Variants in CACNA1C observed in about 807,000 individuals in gnomAD.
CACNA1C encodes voltage-dependent L-type calcium channel subunit alpha-1C.
Under a neutral mutation model 229.0 loss-of-function variants are expected in CACNA1C, and 30 were observed. The observed-to-expected ratio is 0.13, with a 90% CI of 0.10 to 0.18. The LOEUF (loss-of-function observed/expected upper bound fraction) is 0.18. Among genes scored for constraint, CACNA1C ranks in the 10% least tolerant of loss-of-function variants. The pLI is 1.00. For synonymous variants in CACNA1C, 1,114 were observed against 1,132.5 expected, an observed-to-expected ratio of 0.98 and a Z score of 0.33; for missense variants, 1,658 against 2,845.0, an observed-to-expected ratio of 0.58 and a Z score of 9.49.
chr12:2,628,414 G>A (rs899786560), intron 29 of CACNA1C, among the ~76,000 whole-genome samples: 9 of 152,220 alleles, frequency 5.9e-5, no homozygotes, highest in Non-Finnish European at 1.3e-4. Context: ...TCATTCAGGA[G>A]AGTTTGAATA....
chr12:2,161,423 G>A (rs546781083), intron 3 of CACNA1C, among the ~76,000 whole-genome samples: 13 of 152,270 alleles, frequency 8.5e-5, no homozygotes, highest in East Asian at 1.9e-4. Flanking sequence ...CAGCTTGGTC[G>A]GCCCACTTTG....
rs957711858 is a variant in CACNA1C at position 2,354,145 on chromosome 12, A to G, written c.478-94831A>G. On this transcript the variant is annotated intron_variant, in intron 3 of 46. Coordinates refer to ENST00000399655, the MANE Select transcript of CACNA1C (RefSeq NM_000719.7). The surrounding 1 kb of genome is among the most constrained non-coding windows in gnomAD (Gnocchi z 4.6). ...AGTGGGGGCTGTCGGGAAGGACTGG[A>G]TGGAGTCTGTTTTTCCAGAACCCCT... 2.6e-5 allele frequency among the ~76,000 whole-genome samples: 4 copies of G among 152,090 alleles called. No individual in the cohort carries two copies. Among genetic ancestry groups the G allele is most frequent in the African/African-American group, 9.7e-5 (4 of 41,418 alleles).
intron 3 of CACNA1C, among the ~76,000 whole-genome samples, chr12:2,330,222 A>G (rs548850742): frequency 5.9e-5 from 9 of 152,260 alleles, no homozygotes; most frequent in Non-Finnish European, 1.2e-4. Flanking sequence ...GGTCAATGCC[A>G]TGGGGCTTGA....
chr12:2,197,672 C>T (rs1043913752), intron 3 of CACNA1C, among the ~76,000 whole-genome samples: 5 of 152,208 alleles, frequency 3.3e-5, no homozygotes, highest in South Asian at 2.1e-4. Context: ...CCTTTCCCCT[C>T]CTCCAAAAAC....
Position 2,067,902 on chromosome 12 carries a change from A to G in CACNA1C, c.49+14291A>G, listed in dbSNP as rs1251950348. On this transcript the variant is annotated intron_variant, in intron 1 of 46. Transcript: ENST00000399655. This position sits in a 1 kb window ranked among gnomAD's most constrained non-coding sequence, Gnocchi z 5.3. ...CAAGCCCAGCTTCACAGCCTATGAT[A>G]TTGGCTCTCTGGAGAACCGGTTAGC... is the stretch of plus-strand genomic sequence containing the variant. 2.0e-5 allele frequency among the ~76,000 whole-genome samples: 3 copies of G among 152,118 alleles called. No individual in the cohort carries two copies. The highest frequency in any genetic ancestry group is 6.5e-5 in the Admixed American group (1 of 15,280).
chr12:2,057,107 G>T (rs1352875686), intron 1 of CACNA1C, among the ~76,000 whole-genome samples: 1 of 152,198 alleles, frequency 6.6e-6, no homozygotes, highest in South Asian at 2.1e-4. Context: ...CGTTAGCCCC[G>T]TGGGACCATC....
intron 1 of CACNA1C, among the ~76,000 whole-genome samples, chr12:2,010,162 A>G (rs2044154153): frequency 6.6e-6 from 1 of 152,246 alleles, no homozygotes; most frequent in Non-Finnish European, 1.5e-5. Context: ...GACAAAGAAT[A>G]TGTTAATTCC....
chr12:2,137,215 C>A (rs867861490), intron 3 of CACNA1C, among the ~76,000 whole-genome samples: 2 of 151,370 alleles, frequency 1.3e-5, no homozygotes, highest in Non-Finnish European at 3.0e-5. Context: ...GAGTGCTGAG[C>A]TGCATGTCCT....
At chr12:2,550,122 A>G in intron 10 of CACNA1C, 89 bp downstream of exon 10, 2 of 928,504 alleles carry the variant, frequency 2.2e-6, no homozygotes, top group South Asian at 1.4e-5. Context: ...GGGCTGGCTC[A>G]TCACTAGGAA....
intron 3 of CACNA1C, among the ~76,000 whole-genome samples, chr12:2,283,861 C>T (rs1399842615): frequency 1.3e-5 from 2 of 152,186 alleles, no homozygotes; most frequent in South Asian, 2.1e-4. Flanking sequence ...TTCATTCATG[C>T]AGGCATGAAG....
At chr12:2,357,991 A>T (rs1417798250) in intron 3 of CACNA1C, among the ~76,000 whole-genome samples, 1 of 143,604 alleles carries the variant, frequency 7.0e-6, no homozygotes, top group Non-Finnish European at 1.5e-5. Flanking sequence ...AAAAAAAAAA[A>T]TCGCAACAAA....
chr12:2,223,929 A>G (rs2154353479), intron 3 of CACNA1C, among the ~76,000 whole-genome samples: 1 of 152,314 alleles, frequency 6.6e-6, no homozygotes, highest in Non-Finnish European at 1.5e-5. Context: ...GATATCCATA[A>G]CCCCAATCAG....
chr12:2,290,259 G>A (rs2093335896), intron 3 of CACNA1C, among the ~76,000 whole-genome samples: 2 of 152,180 alleles, frequency 1.3e-5, no homozygotes, highest in Non-Finnish European at 2.9e-5. Flanking sequence ...AGATGTCAAG[G>A]CAATTGGGGA....
chr12:2,574,746 C>T (rs2057763957), intron 13 of CACNA1C, among the ~76,000 whole-genome samples: 2 of 152,232 alleles, frequency 1.3e-5, no homozygotes, highest in Non-Finnish European at 2.9e-5. Flanking sequence ...CCACTCTTCT[C>T]AGGCCCCCTG....
chr12:2,610,303 G>A (rs569743236), intron 27 of CACNA1C, among the ~76,000 whole-genome samples: 16 of 152,152 alleles, frequency 1.1e-4, no homozygotes, highest in African/African-American at 1.9e-4. Flanking sequence ...ACCTTGTTAC[G>A]GGGATTTGAC....
At position 2,432,037 on chromosome 12, in the gene CACNA1C, T is replaced by C. The variant is rs576473087; in HGVS notation, c.478-16939T>C. On this transcript the variant is annotated intron_variant, in intron 3 of 46. Coordinates refer to ENST00000399655, the MANE Select transcript of CACNA1C (RefSeq NM_000719.7). ...TTTAAGGGCAGGTCCCCAGCTTTTA[T>C]TGTACTCTGTTTTATATCATTATAA... Among the ~76,000 whole-genome samples the C allele has an allele frequency of 2.6e-5, 4 of 152,336 alleles. No homozygotes were observed. The South Asian group carries it at 6.2e-4, about 24-fold the overall frequency.
Position 2,519,912 on chromosome 12 carries a change from T to C in CACNA1C, c.1390+6928T>C, listed in dbSNP as rs1009526937. 5.3e-5 allele frequency among the ~76,000 whole-genome samples: 8 copies of C among 152,356 alleles called. No individual in the cohort carries two copies. The South Asian group carries it at 1.7e-3, about 32-fold the overall frequency. On this transcript the variant is annotated intron_variant, in intron 9 of 46. Transcript: ENST00000399655. The stretch of plus-strand genomic sequence containing the variant: ...CTATCTGGCCCCGTAAGTGTACAAA[T>C]GCCATTTTCCCAGCCAGGGGAGCAG...
In CACNA1C at chr12:2,566,227, A is replaced by T. The variant is rs1452922179; in HGVS notation, c.1509-195A>T. Among the ~76,000 whole-genome samples the T allele has an allele frequency of 6.6e-6, 1 of 152,132 alleles. No homozygotes were observed. The highest frequency in any genetic ancestry group is 1.5e-5 in the Non-Finnish European group (1 of 68,020). On this transcript the variant is annotated intron_variant, in intron 11 of 46. Coordinates refer to ENST00000399655, the MANE Select transcript of CACNA1C (RefSeq NM_000719.7). This position sits in a 1 kb window ranked among gnomAD's most constrained non-coding sequence, Gnocchi z 4.0. ...TCTTCCCGGGAGAACTGAAGCTTGG[A>T]GGAGTTCAGGGGCATCCCCAAGGCG...
At position 2,493,584 on chromosome 12, in the gene CACNA1C, C is replaced by T. The variant is rs946108844; in HGVS notation, c.1113+198C>T. On this transcript the variant is annotated intron_variant, in intron 7 of 46. Coordinates refer to ENST00000399655, the MANE Select transcript of CACNA1C (RefSeq NM_000719.7). The surrounding 1 kb of genome is among the most constrained non-coding windows in gnomAD (Gnocchi z 4.6). ...ATGAGCTTTTCACCCTAACGAGTCC[C>T]CTCCCCCACCCGCCAGCCTTAGGGG... Among the ~76,000 whole-genome samples, 3 of 152,106 alleles carry T rather than the reference C, an allele frequency of 2.0e-5. No homozygotes were observed. The highest frequency in any genetic ancestry group is 2.9e-5 in the Non-Finnish European group (2 of 68,018).
Sources: gnomAD v4.1 joint callset for allele counts (sites outside exome capture counted in the v4.1 genomes callset) on GRCh38, gnomAD v4.1.1 for gene constraint, Gnocchi (gnomAD v3.1) non-coding constraint, MANE v1.5 for transcripts, NCBI Gene and HGNC (gene_info 2026-07-23, HGNC 2026-07-21) for gene names.